Variants in XYLT1 observed in about 807,000 individuals in gnomAD.
XYLT1 encodes xylosyltransferase 1, also known as beta-D-xylosyltransferase 1.
A neutral mutation model predicts 91.3 loss-of-function variants in XYLT1; 36 were observed. The observed-to-expected ratio is 0.39, with a 90% CI of 0.30 to 0.52. The LOEUF (loss-of-function observed/expected upper bound fraction) is 0.52. Among genes scored for constraint, XYLT1 ranks in the 20% least tolerant of loss-of-function variants. The pLI, the probability that XYLT1 is intolerant of heterozygous loss-of-function variation, is 0.68. For missense variants in XYLT1, 1,242 were observed against 1,284.5 expected (o/e 0.97, Z 0.51); for synonymous variants, 588 against 532.0 (o/e 1.11, Z -1.45).
intron 1 of XYLT1, among the ~76,000 whole-genome samples, chr16:17,376,221 G>T (rs930166128): frequency 2.0e-4 from 31 of 152,224 alleles, no homozygotes; most frequent in African/African-American, 7.2e-4. Flanking sequence ...TAACTTGAAA[G>T]GGAGCGTGTA....
rs552343430 is a variant in XYLT1 at position 17,339,918 on chromosome 16, T to C, written c.402+18094A>G. On this transcript the variant is annotated intron_variant, in intron 2 of 11. Transcript: ENST00000261381. ...CATCCATCACCTATCCATCCATCCATTCATCCATCCTCCATCCATCATCTA... is the reference window on the plus strand; with the variant it reads ...CATCCATCACCTATCCATCCATCCACTCATCCATCCTCCATCCATCATCTA... Among the ~76,000 whole-genome samples, 79 of 151,370 alleles carry C rather than the reference T, an allele frequency of 5.2e-4. 1 individual carries two copies. Among genetic ancestry groups the C allele is most frequent in the Non-Finnish European group, 7.7e-4 (52 of 67,682 alleles).
At chr16:17,143,149 A>G (rs928082685) in intron 6 of XYLT1, among the ~76,000 whole-genome samples, 31 of 152,164 alleles carry the variant, frequency 2.0e-4, no homozygotes, top group Non-Finnish European at 5.9e-5. Flanking sequence ...GGGTGGACAG[A>G]GCTAGAACCA....
chr16:17,264,910 C>T (rs1283157827), intron 2 of XYLT1, among the ~76,000 whole-genome samples: 3 of 152,076 alleles, frequency 2.0e-5, no homozygotes, highest in Non-Finnish European at 4.4e-5. Flanking sequence ...CATCTCAGGC[C>T]GGGCACAGTG....
At chr16:17,190,191 A>G (rs1175290638) in intron 5 of XYLT1, among the ~76,000 whole-genome samples, 1 of 152,182 alleles carries the variant, frequency 6.6e-6, no homozygotes, top group Non-Finnish European at 1.5e-5. Context: ...GATGATGAAA[A>G]TGTTTAGGAT....
chr16:17,185,245 C>T (rs2032158232), intron 5 of XYLT1, among the ~76,000 whole-genome samples: 1 of 152,220 alleles, frequency 6.6e-6, no homozygotes, highest in Non-Finnish European at 1.5e-5. Context: ...TGAAAAATAA[C>T]AGGGCTGAGG....
intron 2 of XYLT1, among the ~76,000 whole-genome samples, chr16:17,289,906 A>T (rs1043857827): frequency 7.2e-5 from 11 of 152,258 alleles, no homozygotes; most frequent in Non-Finnish European, 1.6e-4. Context: ...AAGGAAGATG[A>T]CGATGACTTT....
At chr16:17,393,574 C>T (rs867019615) in intron 1 of XYLT1, among the ~76,000 whole-genome samples, 3 of 152,076 alleles carry the variant, frequency 2.0e-5, no homozygotes, top group Middle Eastern at 3.4e-3. Flanking sequence ...AATGTAGATG[C>T]TAAATGTTCA....
intron 3 of XYLT1, among the ~76,000 whole-genome samples, chr16:17,237,735 T>C (rs1228486571): frequency 2.0e-5 from 3 of 152,360 alleles, no homozygotes; most frequent in Non-Finnish European, 4.4e-5. Flanking sequence ...ATGTTGTTGC[T>C]GGATGCCATC....
rs376868065 is a variant in XYLT1 at position 17,149,560 on chromosome 16, G to C, written c.1371-8191C>G. ...ATTTTAGTTAAAAAATAAAGTCATG[G>C]AATAAATCATATAGACCCACAATGC... is the stretch of plus-strand genomic sequence containing the variant. On this transcript the variant is annotated intron_variant, in intron 6 of 11. Coordinates refer to ENST00000261381, the MANE Select transcript of XYLT1 (RefSeq NM_022166.4). Among the ~76,000 whole-genome samples the C allele has an allele frequency of 5.1e-3, 784 of 152,242 alleles. 11 individuals are homozygous for C. Among genetic ancestry groups the C allele is most frequent in the South Asian group, 0.014 (69 of 4,820 alleles).
chr16:17,459,807 A>G (rs1208188570), intron 1 of XYLT1, among the ~76,000 whole-genome samples: 1 of 152,222 alleles, frequency 6.6e-6, no homozygotes, highest in African/African-American at 2.4e-5. Context: ...CCTGGCACAC[A>G]GCAGACCCCA....
At chr16:17,356,559 G>C (rs1390461321) in intron 2 of XYLT1, among the ~76,000 whole-genome samples, 1 of 152,064 alleles carries the variant, frequency 6.6e-6, no homozygotes, top group Non-Finnish European at 1.5e-5. Flanking sequence ...ATTCCTCTTA[G>C]GAGAACCCAA....
intron 2 of XYLT1, among the ~76,000 whole-genome samples, chr16:17,264,613 A>G (rs2033773611): frequency 6.6e-6 from 1 of 152,152 alleles, no homozygotes; most frequent in Non-Finnish European, 1.5e-5. Context: ...TCCCTTCACA[A>G]AACCAATCTT....
chr16:17,279,469 G>A (rs2034025434), intron 2 of XYLT1, among the ~76,000 whole-genome samples: 1 of 152,196 alleles, frequency 6.6e-6, no homozygotes, highest in Admixed American at 6.5e-5. Context: ...CATAGCACCA[G>A]ACCTGGGAGC....
chr16:17,275,884 G>T (rs184547197), intron 2 of XYLT1, among the ~76,000 whole-genome samples: 1 of 152,268 alleles, frequency 6.6e-6, no homozygotes, highest in African/African-American at 2.4e-5. Flanking sequence ...AGTGGGTAAT[G>T]AATGGTTCAC....
At chr16:17,169,553 G>A (rs573668237) in intron 5 of XYLT1, among the ~76,000 whole-genome samples, 11 of 152,018 alleles carry the variant, frequency 7.2e-5, no homozygotes, top group South Asian at 6.2e-4. Flanking sequence ...TCCTTCAGAC[G>A]GCTGTAATGG....
intron 2 of XYLT1, among the ~76,000 whole-genome samples, chr16:17,292,554 G>C (rs1386672381): frequency 6.6e-6 from 1 of 152,204 alleles, no homozygotes; most frequent in Non-Finnish European, 1.5e-5. Flanking sequence ...GGCTGATGTG[G>C]ATCCCTGTAC....
At chr16:17,430,356 T>C (rs905956326) in intron 1 of XYLT1, among the ~76,000 whole-genome samples, 14 of 152,172 alleles carry the variant, frequency 9.2e-5, no homozygotes, top group Non-Finnish European at 1.5e-5. Flanking sequence ...GCTCAACCAG[T>C]AAGTATAACA....
At chr16:17,362,752 G>A (rs1481030697) in intron 1 of XYLT1, among the ~76,000 whole-genome samples, 1 of 152,240 alleles carries the variant, frequency 6.6e-6, no homozygotes, top group African/African-American at 2.4e-5. Context: ...TGGAAAGCAT[G>A]TTCTCTTCCT....
intron 2 of XYLT1, among the ~76,000 whole-genome samples, chr16:17,341,385 C>T (rs4782001): frequency 2.6e-4 from 40 of 152,020 alleles, no homozygotes; most frequent in Non-Finnish European, 5.9e-5. Context: ...AAAATAACGA[C>T]GAAGAATGAT....
Sources: allele counts gnomAD v4.1 joint callset (sites outside exome capture counted in the v4.1 genomes callset), GRCh38; gene constraint gnomAD v4.1.1; transcripts MANE v1.5; gene names NCBI Gene and HGNC (gene_info 2026-07-23, HGNC 2026-07-21).